SRSF11: variants seen among roughly 807,000 people sequenced by gnomAD.
SRSF11 encodes serine and arginine rich splicing factor 11, also known as serine/arginine-rich splicing factor 11.
In SRSF11, 9 loss-of-function variants were observed where a neutral mutation model predicts 56.0. That is an observed-to-expected ratio of 0.16 (90% CI 0.10 to 0.28). SRSF11 has a LOEUF of 0.28. Among genes scored for constraint, SRSF11 ranks in the 10% least tolerant of loss-of-function variants. SRSF11 has a pLI of 1.00. For synonymous variants in SRSF11, 222 were observed against 215.3 expected, an observed-to-expected ratio of 1.03 and a Z score of -0.27; for missense variants, 421 against 600.7, an observed-to-expected ratio of 0.70 and a Z score of 3.13.
At chr1:70,218,985 T>G (rs563813015), upstream of SRSF11, 31 of 152,318 alleles carry the variant, frequency 2.0e-4, no homozygotes, top group African/African-American at 7.5e-4. Context: ...TACATTGTAT[T>G]CAGTATTAAA....
At chr1:70,243,184 C>G (rs551062975) in intron 7 of SRSF11, among the ~76,000 whole-genome samples, 1 of 151,570 alleles carries the variant, frequency 6.6e-6, no homozygotes, top group Non-Finnish European at 1.5e-5. Flanking sequence ...CAGTCCCCTC[C>G]GTATATGCAG....
chr1:70,232,517 A>T (rs187694280), intron 3 of SRSF11, 140 bp downstream of exon 3: 1 of 625,300 alleles, frequency 1.6e-6, no homozygotes, highest in Non-Finnish European at 2.8e-6. Context: ...AATCACAAAT[A>T]GTATAGAAGA....
chr1:70,231,807 A>C, intron 2 of SRSF11: 1 of 1,377,760 alleles, frequency 7.3e-7, no homozygotes, highest in Non-Finnish European at 9.6e-7. Context: ...ATTAACCCCT[A>C]AATCAAACTT....
In SRSF11 at chr1:70,246,808, CATTT is replaced by C; in HGVS notation, c.933-9_933-6del. ...TTCTAATGCATTCATAAATTGTGTT[CATTT>C]GTTAGAGACAAAAAGAAAGAAGACA... On this transcript the variant is annotated splice_polypyrimidine_tract_variant and splice_region_variant and intron_variant, in intron 8 of 11. Coordinates refer to ENST00000370949, the MANE Select transcript of SRSF11 (RefSeq NM_001350605.2). The C allele has an allele frequency of 6.3e-7, 1 of 1,589,328 alleles. No homozygotes were observed. The highest frequency in any genetic ancestry group is 8.6e-7 in the Non-Finnish European group (1 of 1,165,424).
At chr1:70,244,631 TTA>T (rs1200988504) in intron 7 of SRSF11, 51 bp from the exon 8 acceptor site, 8 of 1,570,136 alleles carry the variant, frequency 5.1e-6, no homozygotes, top group Non-Finnish European at 6.9e-6. Flanking sequence ...AGCACAAAAT[TTA>T]TAGTCTTTTT....
chr1:70,240,770 C>CTTTTT (rs72113966), intron 7 of SRSF11, among the ~76,000 whole-genome samples: 24 of 109,878 alleles, frequency 2.2e-4, no homozygotes, highest in East Asian at 6.0e-4. Context: ...CATCACTGGA[C>CTTTTT]TTTTTTTTTT....
chr1:70,206,889 CTTTT>C (rs755835751), intron 1 of SRSF11, among the ~76,000 whole-genome samples: 4 of 118,996 alleles, frequency 3.4e-5, no homozygotes, highest in Admixed American at 8.6e-5. Context: ...GGATTTTTGT[CTTTT>C]TTTTTTTTTT....
Position 70,221,493 on chromosome 1 carries a change from C to G in SRSF11, c.-144C>G. On this transcript the variant is annotated 5_prime_UTR_variant, in exon 1 of 12. Coordinates refer to ENST00000370949, the MANE Select transcript of SRSF11 (RefSeq NM_001350605.2). Reference sequence around the variant, plus strand: ...CGGCGGGGCGGAGAAACGGCGGCGGCGGCGGCGGCATCGGCAGCAGTAGCA... The same window carrying G: ...CGGCGGGGCGGAGAAACGGCGGCGGGGGCGGCGGCATCGGCAGCAGTAGCA... 1.7e-6 allele frequency: 2 copies of G among 1,204,714 alleles called. No individual in the cohort carries two copies. Among genetic ancestry groups the G allele is most frequent in the South Asian group, 3.2e-5 (2 of 61,978 alleles). 74.6% of individuals were successfully genotyped at this position (1,204,714 alleles called of 1,614,324 possible).
intron 1 of SRSF11, among the ~76,000 whole-genome samples, chr1:70,213,118 A>G (rs1256439312): frequency 6.6e-6 from 1 of 152,166 alleles, no homozygotes; most frequent in Non-Finnish European, 1.5e-5. Context: ...TTGTAATGAC[A>G]TGTAACATTT....
upstream of SRSF11, chr1:70,218,866 A>G (rs887163272): frequency 6.6e-6 from 1 of 152,246 alleles, no homozygotes; most frequent in African/African-American, 2.4e-5. Flanking sequence ...TGTGTTCCAC[A>G]TACTTGGGTT....
rs1678054257 is a variant in SRSF11, at chr1:70,252,210, T to C, written c.*1405T>C. On this transcript the variant is annotated 3_prime_UTR_variant, in exon 12 of 12. Transcript: ENST00000370949. ...CAAAATAGTCCTTTTCTTAGCTTAG[T>C]ATCATTTTATTGCTTATTTTTTGTG... 1 of 152,218 alleles carries C rather than the reference T, an allele frequency of 6.6e-6. No homozygotes were observed. Among genetic ancestry groups the C allele is most frequent in the Non-Finnish European group, 1.5e-5 (1 of 67,994 alleles). The allele number at this position is 152,218 out of a possible 1,614,324, so 9.4% of individuals were successfully genotyped here.
intron 8 of SRSF11, among the ~76,000 whole-genome samples, chr1:70,245,657 T>C (rs1435270297): frequency 6.6e-6 from 1 of 152,212 alleles, no homozygotes; most frequent in African/African-American, 2.4e-5. Context: ...TTCTGAAAGA[T>C]TTGACTAGAC....
Position 70,221,450 on chromosome 1 carries a change from C to T in SRSF11, c.-187C>T, listed in dbSNP as rs1437991569. 4.0e-6 allele frequency: 3 copies of T among 751,472 alleles called. No individual in the cohort carries two copies. Among genetic ancestry groups the T allele is most frequent in the Non-Finnish European group, 6.2e-6 (3 of 487,376 alleles). 46.6% of individuals were successfully genotyped at this position (751,472 alleles called of 1,614,324 possible). A position where few individuals can be genotyped will look rare whatever the true frequency, so the allele number is the denominator to read the frequency against. On this transcript the variant is annotated 5_prime_UTR_variant, in exon 1 of 12. Transcript: ENST00000370949. ...TGGTCTCGAGCTCGCGCGCTCTCAT[C>T]CCCTCCCCCGCGGCGTGCGGCGGGG... is the stretch of plus-strand genomic sequence containing the variant.
intron 8 of SRSF11, among the ~76,000 whole-genome samples, chr1:70,245,407 G>T (rs535963064): frequency 1.3e-5 from 2 of 152,232 alleles, no homozygotes; most frequent in East Asian, 3.9e-4. Context: ...AGAAGAGTGG[G>T]GGTAGCTTTA....
intron 10 of SRSF11, 110 bp downstream of exon 10, chr1:70,250,157 T>A: frequency 7.9e-7 from 1 of 1,264,456 alleles, no homozygotes; most frequent in Non-Finnish European, 1.1e-6. Context: ...AAGAATGTTT[T>A]AATGTATTCT....
At chr1:70,211,737 T>C (rs1669579522) in intron 1 of SRSF11, among the ~76,000 whole-genome samples, 1 of 152,120 alleles carries the variant, frequency 6.6e-6, no homozygotes, top group African/African-American at 2.4e-5. Context: ...ATTTTAAAGG[T>C]ATGCATCATC....
At chr1:70,223,397 G>A (rs1179039958) in intron 1 of SRSF11, among the ~76,000 whole-genome samples, 1 of 152,144 alleles carries the variant, frequency 6.6e-6, no homozygotes, top group Non-Finnish European at 1.5e-5. Flanking sequence ...TTTACCTAAT[G>A]CATGACCAGT....
intron 9 of SRSF11, chr1:70,248,919 G>C (rs1284651195): frequency 6.6e-6 from 1 of 152,236 alleles, no homozygotes; most frequent in Non-Finnish European, 1.5e-5. Context: ...TGTTTGATAA[G>C]TGAATGCTCA....
chr1:70,249,135 A>G (rs1677415707), intron 9 of SRSF11: 2 of 152,170 alleles, frequency 1.3e-5, no homozygotes, highest in South Asian at 4.1e-4. Flanking sequence ...AATTGGTGAA[A>G]GCAGGGTTTT....
Sources: allele counts gnomAD v4.1 joint callset (sites outside exome capture counted in the v4.1 genomes callset), GRCh38; gene constraint gnomAD v4.1.1; transcripts MANE v1.5; gene names NCBI Gene and HGNC (gene_info 2026-07-23, HGNC 2026-07-21).